SEL1L2: variants seen among roughly 807,000 people sequenced by gnomAD.
SEL1L2 encodes the protein SEL1L2 adaptor subunit of SYVN1 ubiquitin ligase, also known as protein sel-1 homolog 2.
A neutral mutation model predicts 98.8 loss-of-function variants in SEL1L2; 89 were observed. That is an observed-to-expected ratio of 0.90 (90% confidence interval 0.76 to 1.07). The LOEUF (loss-of-function observed/expected upper bound fraction) is 1.07. Ranked by LOEUF, SEL1L2 falls within the 50% of genes least tolerant of loss-of-function variation. The probability of loss-of-function intolerance (pLI) is 0.00; values close to 1 mark genes in which losing one functional copy is unlikely to be tolerated. For synonymous variants in SEL1L2, 262 were observed against 278.5 expected (o/e 0.94, Z 0.59); for missense variants, 788 against 812.0 (o/e 0.97, Z 0.36).
chr20:13,875,081 T>C (rs2046374843), intron 12 of SEL1L2, among the ~76,000 whole-genome samples: 1 of 152,202 alleles, frequency 6.6e-6, no homozygotes, highest in African/African-American at 2.4e-5. Context: ...ATTTCGATCG[T>C]CCCTCATACA....
At chr20:13,911,583 C>T (rs1484816955) in intron 5 of SEL1L2, among the ~76,000 whole-genome samples, 1 of 152,144 alleles carries the variant, frequency 6.6e-6, no homozygotes, top group Non-Finnish European at 1.5e-5. Flanking sequence ...CATTATTTCA[C>T]ATGTAATTTC....
At position 13,849,557 on chromosome 20, in the gene SEL1L2, T is replaced by C; in HGVS notation, c.1995A>G (p.Pro665=). ...GGCCAATCACAAATAAGTCCCAGTGTGGTCCAATGGTGTTGTCCAGTTTCA... is the reference window on the plus strand; with the variant it reads ...GGCCAATCACAAATAAGTCCCAGTGCGGTCCAATGGTGTTGTCCAGTTTCA... ...NWLKLDNTIG[P]HWDLFVIGLI... Residue 665 remains proline, a synonymous_variant, in exon 20 of 20, where the codon CCA becomes CCG. Transcript: ENST00000284951. The C allele has an allele frequency of 2.5e-6, 4 of 1,614,066 alleles. No homozygotes were observed. The highest frequency in any genetic ancestry group is 3.4e-6 in the Non-Finnish European group (4 of 1,179,940).
intron 18 of SEL1L2, among the ~76,000 whole-genome samples, chr20:13,855,684 T>C (rs35464831): frequency 0.19 from 29,609 of 152,232 alleles, 3,720 homozygotes; most frequent in Non-Finnish European, 0.26. Context: ...TGGGGTCCCC[T>C]AAAGCCTTTG....
intron 10 of SEL1L2, among the ~76,000 whole-genome samples, chr20:13,882,370 C>T (rs1000709406): frequency 6.6e-6 from 1 of 152,224 alleles, no homozygotes; most frequent in African/African-American, 2.4e-5. Flanking sequence ...CATTTCCCTA[C>T]CCCTCCAAGT....
intron 14 of SEL1L2, among the ~76,000 whole-genome samples, chr20:13,868,198 C>T (rs1332956407): frequency 1.3e-5 from 2 of 151,766 alleles, no homozygotes; most frequent in Non-Finnish European, 2.9e-5. Flanking sequence ...CCTCTCTCCC[C>T]ATCCCATTCC....
chr20:13,950,350 T>A (rs2050207736), intron 2 of SEL1L2, among the ~76,000 whole-genome samples: 1 of 152,182 alleles, frequency 6.6e-6, no homozygotes, highest in Non-Finnish European at 1.5e-5. Flanking sequence ...CCACAATTTT[T>A]TAAAGCCTAA....
Position 13,886,307 on chromosome 20 carries a change from C to T in SEL1L2, c.881G>A (p.Arg294Lys). The change falls in exon 9 of 20, where the codon AGA (arginine) becomes AAA (lysine). Residue 294 changes from arginine to lysine, a missense_variant. By Grantham distance (26) the Arg-to-Lys change is conservative. Coordinates refer to ENST00000284951, the MANE Select transcript of SEL1L2 (RefSeq NM_025229.2). The part of the protein sequence containing the change: ...IYQYYKFLAE[R>K]GDVQIQVSLG... ...CATTACTTGTATCTGAACATCTCCT[C>T]TTTCTGCCAAAAATTTATAGTATTG... is the stretch of plus-strand genomic sequence containing the variant. 3 of 1,610,740 alleles carry T rather than the reference C, an allele frequency of 1.9e-6. No individual in the cohort carries two copies. The highest frequency in any genetic ancestry group is 2.5e-6 in the Non-Finnish European group (3 of 1,178,424).
chr20:13,926,709 T>C lies in SEL1L2; in HGVS notation c.283+4894A>G, dbSNP rs62207684. 3.9e-5 allele frequency among the ~76,000 whole-genome samples: 6 copies of C among 152,330 alleles called. No individual in the cohort carries two copies. The South Asian group carries it at 6.2e-4, about 16-fold the overall frequency. On this transcript the variant is annotated intron_variant, in intron 3 of 19. Coordinates refer to ENST00000284951, the MANE Select transcript of SEL1L2 (RefSeq NM_025229.2). The stretch of plus-strand genomic sequence containing the variant: ...TCGTTGAAGGGGGTCTGAACAGCAC[T>C]TCACAGTGTCCATTCCAAATATGCC...
chr20:13,924,795 T>A (rs2048810883), intron 3 of SEL1L2, among the ~76,000 whole-genome samples: 1 of 152,164 alleles, frequency 6.6e-6, no homozygotes, highest in African/African-American at 2.4e-5. Flanking sequence ...TTAACCATTT[T>A]AAAATATATT....
intron 1 of SEL1L2, among the ~76,000 whole-genome samples, chr20:13,957,430 T>G (rs1406477798): frequency 1.3e-5 from 2 of 152,256 alleles, no homozygotes; most frequent in African/African-American, 4.8e-5. Flanking sequence ...GATGTTTTAT[T>G]ATTTCACTTA....
chr20:13,905,308 AC>A (rs994228942), intron 5 of SEL1L2, among the ~76,000 whole-genome samples: 1 of 148,714 alleles, frequency 6.7e-6, no homozygotes, highest in Non-Finnish European at 1.5e-5. Context: ...CTGTCCTATA[AC>A]TTTTTTTTTT....
intron 3 of SEL1L2, among the ~76,000 whole-genome samples, chr20:13,928,847 T>C (rs1344651457): frequency 6.6e-6 from 1 of 152,212 alleles, no homozygotes; most frequent in African/African-American, 2.4e-5. Context: ...AATGTTACAC[T>C]TAAATTAAAA....
intron 5 of SEL1L2, among the ~76,000 whole-genome samples, chr20:13,906,484 A>C (rs1411235886): frequency 6.6e-6 from 1 of 152,210 alleles, no homozygotes; most frequent in Non-Finnish European, 1.5e-5. Context: ...AGTGTGAATC[A>C]ACCCTAAGGA....
At chr20:13,863,646 C>CT (rs1221628975) in intron 17 of SEL1L2, among the ~76,000 whole-genome samples, 1 of 152,174 alleles carries the variant, frequency 6.6e-6, no homozygotes, top group African/African-American at 2.4e-5. Context: ...AGCAGCCTGA[C>CT]TTTTTTATAT....
chr20:13,870,182 C>A lies in SEL1L2; in HGVS notation c.1126G>T (p.Gly376Trp). The change falls in exon 13 of 20, where the codon GGG (glycine) becomes TGG (tryptophan). Residue 376 changes from glycine (G) to tryptophan (W), a missense_variant. By Grantham distance (184) the Gly-to-Trp change is radical. Coordinates refer to ENST00000284951, the MANE Select transcript of SEL1L2 (RefSeq NM_025229.2). ...ASKGNAIGLH[G>W]LGLLYFHGKG... ...CCATGAAAGTAAAGAAGACCAAGCC[C>A]ATGAAGGCCGATTGCATTGCCCTAG... is the stretch of plus-strand genomic sequence containing the variant. 6.2e-7 allele frequency: 1 copy of A among 1,611,218 alleles called. No individual in the cohort carries two copies. Among genetic ancestry groups the A allele is most frequent in the Non-Finnish European group, 8.5e-7 (1 of 1,178,096 alleles).
intron 17 of SEL1L2, among the ~76,000 whole-genome samples, chr20:13,861,805 G>A (rs1433190313): frequency 3.9e-5 from 6 of 152,126 alleles, no homozygotes; most frequent in Non-Finnish European, 1.5e-5. Context: ...CCCTGCATTC[G>A]ATTCCTCAAG....
intron 12 of SEL1L2, 82 bp downstream of exon 12, chr20:13,875,956 G>C: frequency 9.2e-7 from 1 of 1,085,504 alleles, no homozygotes; most frequent in African/African-American, 1.5e-5. Context: ...TTGGGACTTC[G>C]AAGTCAATTC....
At position 13,866,790 on chromosome 20, in the gene SEL1L2, T is replaced by C. The variant is rs942364729; in HGVS notation, c.1316A>G (p.Gln439Arg). 1.9e-6 allele frequency: 3 copies of C among 1,613,196 alleles called. No individual in the cohort carries two copies. Among genetic ancestry groups the C allele is most frequent in the African/African-American group, 2.7e-5 (2 of 75,008 alleles). The change falls in exon 15 of 20, where the codon CAG becomes CGG. Residue 439 changes from glutamine to arginine, a missense_variant. Coordinates refer to ENST00000284951, the MANE Select transcript of SEL1L2 (RefSeq NM_025229.2). The part of the protein sequence containing the change: ...LAFKYFYLAS[Q>R]SGQPLAIYYL... ...ATAAATGGCAAGGGGCTGCCCACTC[T>C]GAGATGCCAGGTAAAAATATTTGAA...
intron 1 of SEL1L2, among the ~76,000 whole-genome samples, chr20:13,984,540 A>G (rs575931825): frequency 6.6e-6 from 1 of 152,156 alleles, no homozygotes; most frequent in East Asian, 1.9e-4. Flanking sequence ...TGCTGTTGCT[A>G]TAGTTTAAGT....
Sources: gnomAD v4.1 joint callset for allele counts (sites outside exome capture counted in the v4.1 genomes callset) on GRCh38, gnomAD v4.1.1 for gene constraint, MANE v1.5 for transcripts, NCBI Gene and HGNC (gene_info 2026-07-23, HGNC 2026-07-21) for gene names.